MAS1: variants seen among roughly 807,000 people sequenced by gnomAD.
MAS1 encodes MAS1 proto-oncogene, G protein-coupled receptor, also known as proto-oncogene Mas.
For missense variants in MAS1, 387 were observed against 409.7 expected, an observed-to-expected ratio of 0.94 and a Z score of 0.48; for synonymous variants, 163 against 164.2, an observed-to-expected ratio of 0.99 and a Z score of 0.05.
chr6:159,910,648 C>T lies in MAS1; in HGVS notation c.*2715C>T, dbSNP rs529810853. The T allele has an allele frequency of 6.6e-6, 1 of 152,354 alleles. No individual in the cohort carries two copies. Among genetic ancestry groups the T allele is most frequent in the Admixed American group, 6.5e-5 (1 of 15,302 alleles). 9.4% of individuals were successfully genotyped at this position (152,354 alleles called of 1,614,324 possible). A position where few individuals can be genotyped will look rare whatever the true frequency, so the allele number is the denominator to read the frequency against. On this transcript the variant is annotated 3_prime_UTR_variant, in exon 3 of 3. Transcript: ENST00000674077. The stretch of plus-strand genomic sequence containing the variant: ...ACTGCACCCCTCTCTGGGCTGTTTC[C>T]TTTGTACATATAAATAGACTCAAAT...
chr6:159,917,226 G>T lies in MAS1; in HGVS notation c.*9293G>T, dbSNP rs751025578. 1.3e-5 allele frequency among the ~76,000 whole-genome samples: 2 copies of T among 152,212 alleles called. No individual in the cohort carries two copies. The highest frequency in any genetic ancestry group is 4.8e-5 in the African/African-American group (2 of 41,450). ...CAGACATCCTGACCCAAACCTGATG[G>T]ATGAGATTGGTGTAAAGTGGAGAAA... is the stretch of plus-strand genomic sequence containing the variant. On this transcript the variant is annotated 3_prime_UTR_variant, in exon 3 of 3. Transcript: ENST00000674077.
chr6:159,907,274 A>C lies in MAS1; in HGVS notation c.319A>C (p.Thr107Pro), dbSNP rs889218376. ...TTCTGGCCATTACTACACAATTGTCACATTATCAGTGACTTTTCTGTTTGG... is the reference window on the plus strand; with the variant it reads ...TTCTGGCCATTACTACACAATTGTCCCATTATCAGTGACTTTTCTGTTTGG... The part of the protein sequence containing the change: ...LSSGHYYTIV[T>P]LSVTFLFGYN... Residue 107 changes from threonine to proline, a missense_variant, in exon 3 of 3, where the codon ACA (threonine) becomes CCA (proline). Thr to Pro is a conservative substitution (Grantham distance 38). Coordinates refer to ENST00000674077, the MANE Select transcript of MAS1 (RefSeq NM_002377.4). 1 of 1,614,204 alleles carries C rather than the reference A, an allele frequency of 6.2e-7. No homozygotes were observed. Among genetic ancestry groups the C allele is most frequent in the African/African-American group, 1.3e-5 (1 of 75,050 alleles).
At chr6:159,893,257 G>T (rs1562308501) in intron 1 of MAS1, among the ~76,000 whole-genome samples, 1 of 152,266 alleles carries the variant, frequency 6.6e-6, no homozygotes, top group Non-Finnish European at 1.5e-5. Context: ...CCACGCCGGG[G>T]TGAGGGCAGT....
chr6:159,894,625 G>A (rs1420903988), intron 1 of MAS1, among the ~76,000 whole-genome samples: 1 of 152,146 alleles, frequency 6.6e-6, no homozygotes, highest in East Asian at 1.9e-4. Context: ...CAACATTCAT[G>A]CATTGGGGAG....
chr6:159,895,241 C>A (rs1782741540), intron 1 of MAS1, among the ~76,000 whole-genome samples: 1 of 152,128 alleles, frequency 6.6e-6, no homozygotes. Flanking sequence ...CTGGGGCAAT[C>A]CAGGCTCTGC....
rs913566153 is a variant in MAS1 at position 159,899,255 on chromosome 6, C to A, written c.-174C>A. The A allele has an allele frequency of 6.6e-6, 1 of 152,388 alleles. No homozygotes were observed. The highest frequency in any genetic ancestry group is 2.4e-5 in the African/African-American group (1 of 41,450). The allele number at this position is 152,388 out of a possible 1,614,324, so 9.4% of individuals were successfully genotyped here. On this transcript the variant is annotated 5_prime_UTR_variant, in exon 2 of 3. It introduces an in-frame stop codon into an upstream open reading frame of the 5' UTR. Transcript: ENST00000674077. ...GATGCTGCCAGTAATGCTGACCAGT[C>A]GTGGTGCTGTCACCTCCTTGGCTGT...
intron 2 of MAS1, among the ~76,000 whole-genome samples, chr6:159,903,511 C>G (rs752950374): frequency 6.6e-5 from 10 of 152,144 alleles, no homozygotes; most frequent in Non-Finnish European, 1.2e-4. Flanking sequence ...CTCTTTCCCT[C>G]ATGTATTTCA....
Position 159,911,220 on chromosome 6 carries a change from C to T in MAS1, c.*3287C>T, listed in dbSNP as rs1042481395. On this transcript the variant is annotated 3_prime_UTR_variant, in exon 3 of 3. Coordinates refer to ENST00000674077, the MANE Select transcript of MAS1 (RefSeq NM_002377.4). Reference sequence around the variant, plus strand: ...GCTGACCAGAACCCTTTGCTGGGCTCCAGTCCTGTGTGTCCAATCATCTAA... The same window carrying T: ...GCTGACCAGAACCCTTTGCTGGGCTTCAGTCCTGTGTGTCCAATCATCTAA... 2.0e-5 allele frequency: 3 copies of T among 152,186 alleles called. No homozygotes were observed. Among genetic ancestry groups the T allele is most frequent in the African/African-American group, 7.2e-5 (3 of 41,400 alleles). The allele number at this position is 152,186 out of a possible 1,614,324, so 9.4% of individuals were successfully genotyped here.
chr6:159,910,432 A>G lies in MAS1; in HGVS notation c.*2499A>G, dbSNP rs1314987505. The G allele has an allele frequency of 6.6e-6, 1 of 152,130 alleles. No individual in the cohort carries two copies. Among genetic ancestry groups the G allele is most frequent in the Non-Finnish European group, 1.5e-5 (1 of 68,020 alleles). The allele number at this position is 152,130 out of a possible 1,614,324, so 9.4% of individuals were successfully genotyped here. A position where few individuals can be genotyped will look rare whatever the true frequency, so the allele number is the denominator to read the frequency against. On this transcript the variant is annotated 3_prime_UTR_variant, in exon 3 of 3. Coordinates refer to ENST00000674077, the MANE Select transcript of MAS1 (RefSeq NM_002377.4). ...CAGGGGCTCTTCCTGCCACCCCCATATTGCATGCAGCCTCTTCTGTTCCCT... is the reference window on the plus strand; with the variant it reads ...CAGGGGCTCTTCCTGCCACCCCCATGTTGCATGCAGCCTCTTCTGTTCCCT...
Position 159,907,401 on chromosome 6 carries a change from C to T in MAS1, c.446C>T (p.Ser149Leu), listed in dbSNP as rs747248947. 3.1e-5 allele frequency: 50 copies of T among 1,613,992 alleles called. No individual in the cohort carries two copies. The highest frequency in any genetic ancestry group is 5.0e-5 in the Admixed American group (3 of 59,996). The change falls in exon 3 of 3, where the codon TCG becomes TTG. Residue 149 changes from serine (S) to leucine (L), a missense_variant. Transcript: ENST00000674077. ...CGATGCCATCGCCCCAAGTACCAGT[C>T]GGCATTGGTCTGTGCCCTTCTGTGG... is the stretch of plus-strand genomic sequence containing the variant. The part of the protein sequence containing the change: ...WYRCHRPKYQ[S>L]ALVCALLWAL...
Position 159,909,648 on chromosome 6 carries a change from T to A in MAS1, c.*1715T>A, listed in dbSNP as rs1782942737. Reference sequence around the variant, plus strand: ...CCTGGGAAAGAACAGAATATGGAGATCAGAGCAACTCCCCTCTGTTTCCTG... The same window carrying A: ...CCTGGGAAAGAACAGAATATGGAGAACAGAGCAACTCCCCTCTGTTTCCTG... On this transcript the variant is annotated 3_prime_UTR_variant, in exon 3 of 3. Coordinates refer to ENST00000674077, the MANE Select transcript of MAS1 (RefSeq NM_002377.4). The A allele has an allele frequency of 6.6e-6, 1 of 152,146 alleles. No individual in the cohort carries two copies. The highest frequency in any genetic ancestry group is 2.1e-4 in the South Asian group (1 of 4,810). The allele number at this position is 152,146 out of a possible 1,614,324, so 9.4% of individuals were successfully genotyped here.
chr6:159,892,527 G>C (rs559610464), intron 1 of MAS1, among the ~76,000 whole-genome samples: 82 of 152,256 alleles, frequency 5.4e-4, no homozygotes, highest in Non-Finnish European at 9.9e-4. Flanking sequence ...GCCATGGAAG[G>C]ACTGTGCTCA....
At chr6:159,903,860 T>C (rs940475314) in intron 2 of MAS1, among the ~76,000 whole-genome samples, 6 of 152,178 alleles carry the variant, frequency 3.9e-5, no homozygotes, top group African/African-American at 1.4e-4. Context: ...CTACACTCAC[T>C]GTCTTCACCT....
chr6:159,901,388 G>A (rs1055375112), intron 2 of MAS1, among the ~76,000 whole-genome samples: 2 of 152,160 alleles, frequency 1.3e-5, no homozygotes, highest in African/African-American at 4.8e-5. Flanking sequence ...GAAGCAGGGG[G>A]ATTGCTTGAG....
intron 2 of MAS1, among the ~76,000 whole-genome samples, chr6:159,899,704 A>G (rs1387498339): frequency 6.6e-6 from 1 of 152,128 alleles, no homozygotes; most frequent in East Asian, 1.9e-4. Context: ...GCACCACTGC[A>G]CTCCAGTTTG....
upstream of MAS1, among the ~76,000 whole-genome samples, chr6:159,889,550 C>T (rs1034110911): frequency 4.6e-5 from 7 of 152,156 alleles, no homozygotes; most frequent in African/African-American, 1.7e-4. Flanking sequence ...TGTTTTCTTC[C>T]GTGGGTCTGA....
chr6:159,897,577 T>TTA (rs1782768354), intron 1 of MAS1, among the ~76,000 whole-genome samples: 1 of 152,186 alleles, frequency 6.6e-6, no homozygotes, highest in Admixed American at 6.5e-5. Flanking sequence ...GAAAGGGCTG[T>TTA]TATTGTCTTT....
chr6:159,893,141 G>A lies in MAS1; in HGVS notation c.-244+2008G>A, dbSNP rs533337775. On this transcript the variant is annotated intron_variant, in intron 1 of 2. Coordinates refer to ENST00000674077, the MANE Select transcript of MAS1 (RefSeq NM_002377.4). ...CACAATTCTTTGAGTTTTGCAGGAA[G>A]GTGGTGGGTGTTAAGTCCTACTTTC... Among the ~76,000 whole-genome samples the A allele has an allele frequency of 1.5e-3, 227 of 152,374 alleles. 2 individuals carry two copies. The highest frequency in any genetic ancestry group is 5.3e-3 in the African/African-American group (220 of 41,584).
chr6:159,891,075 A>G lies in MAS1; in HGVS notation c.-302A>G, dbSNP rs749595832. On this transcript the variant is annotated 5_prime_UTR_variant, in exon 1 of 3. The change abolishes an upstream ATG in the 5' untranslated region. Transcript: ENST00000674077. ...GGCTGGCTGGGCATTGATGCCCCAG[A>G]TGTGAAGGGGCAGCCAACCTGTTGG... Among the ~76,000 whole-genome samples, 7 of 152,204 alleles carry G rather than the reference A, an allele frequency of 4.6e-5. No individual in the cohort carries two copies. The highest frequency in any genetic ancestry group is 7.3e-5 in the Non-Finnish European group (5 of 68,046).
Sources: gnomAD v4.1 joint callset for allele counts (sites outside exome capture counted in the v4.1 genomes callset) on GRCh38, gnomAD v4.1.1 for gene constraint, MANE v1.5 for transcripts, NCBI Gene and HGNC (gene_info 2026-07-23, HGNC 2026-07-21) for gene names.